The following IKBKE variants were observed in gnomAD, a reference collection of about 807,000 sequenced individuals.
IKBKE encodes the protein inhibitor of nuclear factor kappa-B kinase subunit epsilon.
IKBKE carries 45 observed loss-of-function variants against 92.1 expected under a neutral mutation model. The observed-to-expected ratio is 0.49, with a 90% CI of 0.38 to 0.63. The LOEUF is 0.63. Among genes scored for constraint, IKBKE ranks in the 20% least tolerant of loss-of-function variants. The pLI, the probability that IKBKE is intolerant of heterozygous loss-of-function variation, is 0.00. For synonymous variants in IKBKE, 374 were observed against 380.3 expected (o/e 0.98, Z 0.19); for missense variants, 700 against 932.8 (o/e 0.75, Z 3.25).
intron 3 of IKBKE, among the ~76,000 whole-genome samples, chr1:206,473,876 G>T (rs998303368): frequency 6.8e-6 from 1 of 147,030 alleles, no homozygotes; most frequent in Admixed American, 7.1e-5. Flanking sequence ...GCAGAGAATC[G>T]CTTGAACCTG....
At chr1:206,493,176 AC>A in intron 19 of IKBKE, 57 bp downstream of exon 19, 1 of 1,558,232 alleles carries the variant, frequency 6.4e-7, no homozygotes, top group Non-Finnish European at 8.8e-7. Context: ...GGCGCTTGTT[AC>A]CCATGTCTTC....
intron 10 of IKBKE, 57 bp downstream of exon 10, chr1:206,479,190 G>C: frequency 1.4e-6 from 2 of 1,412,036 alleles, no homozygotes; most frequent in African/African-American, 2.9e-5. Flanking sequence ...CTCTGAGACA[G>C]GAGTTTGCAA....
At position 206,474,385 on chromosome 1, in the gene IKBKE, C is replaced by A. The variant is rs782098949; in HGVS notation, c.142C>A (p.Pro48Thr). The change falls in exon 4 of 22, where the codon CCC (proline) becomes ACC (threonine). Residue 48 changes from proline (P) to threonine (T), a missense_variant. Pro to Thr is a conservative substitution (Grantham distance 38). Coordinates refer to ENST00000581977, the MANE Select transcript of IKBKE (RefSeq NM_014002.4). ...KVFNTTSYLR[P>T]REVQVREFEV... ...CTTCAACACTACCAGCTACCTGCGG[C>A]CCCGCGAGGTGCAGGTGAGGGAGTT... 6.2e-7 allele frequency: 1 copy of A among 1,613,926 alleles called. No homozygotes were observed. Among genetic ancestry groups the A allele is most frequent in the African/African-American group, 1.3e-5 (1 of 75,054 alleles).
intron 2 of IKBKE, among the ~76,000 whole-genome samples, chr1:206,472,120 C>T (rs1553383961): frequency 6.6e-6 from 1 of 152,152 alleles, no homozygotes; most frequent in African/African-American, 2.4e-5. Flanking sequence ...TGTGGTGGTG[C>T]ACACCTATGG....
chr1:206,493,618 A>G (rs782336523), intron 20 of IKBKE, among the ~76,000 whole-genome samples: 4 of 152,190 alleles, frequency 2.6e-5, no homozygotes, highest in Non-Finnish European at 4.4e-5. Flanking sequence ...GTGAAACCCC[A>G]TCTCTGGTAA....
chr1:206,473,382 C>T, intron 3 of IKBKE, 68 bp downstream of exon 3: 4 of 1,162,288 alleles, frequency 3.4e-6, no homozygotes, highest in Non-Finnish European at 3.7e-6. Flanking sequence ...AGAAGCTGGC[C>T]CAGTCAGCCC....
intron 13 of IKBKE, 113 bp from the exon 14 acceptor site, chr1:206,484,884 A>G: frequency 2.4e-6 from 2 of 851,042 alleles, no homozygotes; most frequent in Non-Finnish European, 3.9e-6. Flanking sequence ...CCGGAGAGCC[A>G]CCAAGGCTGT....
intron 13 of IKBKE, among the ~76,000 whole-genome samples, chr1:206,480,961 C>A (rs1309506440): frequency 6.6e-6 from 1 of 152,202 alleles, no homozygotes; most frequent in Non-Finnish European, 1.5e-5. Context: ...TTCTCCATGC[C>A]TCATCTCCTG....
chr1:206,480,145 G>T, intron 12 of IKBKE, 32 bp downstream of exon 12: 1 of 1,493,228 alleles, frequency 6.7e-7, no homozygotes. Context: ...GCACAGAGGG[G>T]GAGGCGGGCA....
rs188933101 is a variant in IKBKE at position 206,474,499 on chromosome 1, G to A, written c.228+28G>A. 22 of 1,599,570 alleles carry A rather than the reference G, an allele frequency of 1.4e-5. No homozygotes were observed. In the East Asian group the frequency reaches 4.0e-4, roughly 29 times the overall value. On this transcript the variant is annotated intron_variant, in intron 4 of 21. Transcript: ENST00000581977. ...AGGTCCGGTGCTTGGTCAGAGAATGGTCTTGTCCTTGACCCTTATGGTCTG... is the reference window on the plus strand; with the variant it reads ...AGGTCCGGTGCTTGGTCAGAGAATGATCTTGTCCTTGACCCTTATGGTCTG...
intron 2 of IKBKE, among the ~76,000 whole-genome samples, chr1:206,472,587 TCA>T (rs57402838): frequency 0.12 from 17,959 of 149,542 alleles, 1,920 homozygotes; most frequent in African/African-American, 0.29. Flanking sequence ...ACACACACTC[TCA>T]CACACACACA....
Position 206,478,542 on chromosome 1 carries a change from C to T in IKBKE, c.992+203C>T, listed in dbSNP as rs1553386121. Among the ~76,000 whole-genome samples the T allele has an allele frequency of 6.6e-6, 1 of 152,170 alleles. No homozygotes were observed. ...TGCATGTACTTCAGAGAGTCAGTAC[C>T]TTTTCTAATGCTAATATGCATTATA... On this transcript the variant is annotated intron_variant, in intron 9 of 21. Transcript: ENST00000581977. This position sits in a 1 kb window ranked among gnomAD's most constrained non-coding sequence, Gnocchi z 4.8.
Position 206,476,236 on chromosome 1 carries a change from G to A in IKBKE, c.414G>A (p.Pro138=), listed in dbSNP as rs781832120. The change falls in exon 6 of 22, where the codon CCG becomes CCA. Residue 138 remains proline (P), a synonymous_variant. Transcript: ENST00000581977. This position sits in a 1 kb window ranked among gnomAD's most constrained non-coding sequence, Gnocchi z 5.1. ...ENGIVHRDIK[P]GNIMRLVGEE... The stretch of plus-strand genomic sequence containing the variant: ...GCATTGTGCATCGCGACATCAAGCC[G>A]GGGAACATCATGCGCCTCGTAGGGG... 2.7e-5 allele frequency: 43 copies of A among 1,614,034 alleles called. No individual in the cohort carries two copies. Among genetic ancestry groups the A allele is most frequent in the Admixed American group, 1.2e-4 (7 of 60,004 alleles).
chr1:206,476,604 A>G lies in IKBKE; in HGVS notation c.541-74A>G. 6.4e-7 allele frequency: 1 copy of G among 1,559,784 alleles called. No homozygotes were observed. Among genetic ancestry groups the G allele is most frequent in the South Asian group, 1.1e-5 (1 of 87,672 alleles). ...GTTCTGTTTTCACCTGCAGGCGGTG[A>G]AAGGGGGTCTGACAGGTCTCAGGCC... On this transcript the variant is annotated intron_variant, in intron 6 of 21. Coordinates refer to ENST00000581977, the MANE Select transcript of IKBKE (RefSeq NM_014002.4). This position sits in a 1 kb window ranked among gnomAD's most constrained non-coding sequence, Gnocchi z 5.1.
chr1:206,484,955 C>G (rs782554415), intron 13 of IKBKE, 42 bp from the exon 14 acceptor site: 8 of 1,551,150 alleles, frequency 5.2e-6, no homozygotes, highest in Non-Finnish European at 7.1e-6. Context: ...CTTGGCTGCT[C>G]CTAAGCCCCC....
At chr1:206,480,169 G>T in intron 12 of IKBKE, 56 bp downstream of exon 12, 4 of 705,344 alleles carry the variant, frequency 5.7e-6, no homozygotes, top group South Asian at 3.4e-5. Context: ...GAGGGAGGCG[G>T]ACAGGAGGGG....
Position 206,476,554 on chromosome 1 carries a change from A to T in IKBKE, c.541-124A>T, listed in dbSNP as rs551249996. ...AAAGGTGAGGCTGACACCCATTTTT[A>T]AGATGACAAAGAAGGATTTGAACAG... is the stretch of plus-strand genomic sequence containing the variant. On this transcript the variant is annotated intron_variant, in intron 6 of 21. Transcript: ENST00000581977. The surrounding 1 kb of genome is among the most constrained non-coding windows in gnomAD (Gnocchi z 5.1). The T allele has an allele frequency of 3.2e-6, 4 of 1,250,002 alleles. No individual in the cohort carries two copies. The East Asian group carries it at 9.9e-5, about 31-fold the overall frequency. 77.4% of individuals were successfully genotyped at this position (1,250,002 alleles called of 1,614,324 possible). A position where few individuals can be genotyped will look rare whatever the true frequency, so the allele number is the denominator to read the frequency against.
intron 7 of IKBKE, among the ~76,000 whole-genome samples, chr1:206,477,204 G>A (rs1665115105): frequency 6.6e-6 from 1 of 152,154 alleles, no homozygotes. Flanking sequence ...TCTTTCCATG[G>A]TTTTGTGCCA....
In IKBKE at chr1:206,494,592, CTTTTTTTTTTTTTT is replaced by C. The variant is rs58971788; in HGVS notation, c.2117+617_2117+630del. 1.1e-4 allele frequency among the ~76,000 whole-genome samples: 7 copies of C among 63,902 alleles called. No homozygotes were observed. In the East Asian group the frequency reaches 2.5e-3, roughly 22 times the overall value. The allele number at this position is 63,902 out of a possible 152,430, so 41.9% of individuals were successfully genotyped here. A position where few individuals can be genotyped will look rare whatever the true frequency, so the allele number is the denominator to read the frequency against. On this transcript the variant is annotated intron_variant, in intron 21 of 21. Transcript: ENST00000581977. ...TTTTGCATACCAGTAAAAGTTCTTT[CTTTTTTTTTTTTTT>C]TTTTTTTTTTTTTTTGAGACGGAGT...
Sources: allele counts gnomAD v4.1 joint callset (sites outside exome capture counted in the v4.1 genomes callset), GRCh38; gene constraint gnomAD v4.1.1; non-coding constraint Gnocchi (gnomAD v3.1); transcripts MANE v1.5; gene names NCBI Gene and HGNC (gene_info 2026-07-23, HGNC 2026-07-21).